The following EIF2S3 variants were observed in gnomAD, a reference collection of about 807,000 sequenced individuals.
EIF2S3 encodes eukaryotic translation initiation factor 2 subunit 3.
A neutral mutation model predicts 31.7 loss-of-function variants in EIF2S3; 2 were observed. The ratio of observed to expected loss-of-function variants is 0.06; its 90% CI spans 0.03 to 0.20. EIF2S3 has a LOEUF of 0.20. EIF2S3 is among the 10% of genes least tolerant of loss of function. The pLI, the probability that EIF2S3 is intolerant of heterozygous loss-of-function variation, is 1.00. For missense variants in EIF2S3, 96 were observed against 359.3 expected, an observed-to-expected ratio of 0.27 and a Z score of 5.92; for synonymous variants, 120 against 126.7, an observed-to-expected ratio of 0.95 and a Z score of 0.36.
Position 24,073,772 on chromosome X carries a change from C to A in EIF2S3, c.1355+509C>A, listed in dbSNP as rs1930709257. 2.7e-5 allele frequency among the ~76,000 whole-genome samples: 3 copies of A among 112,109 alleles called. No individual in the cohort carries two copies. In the Admixed American group the frequency reaches 2.9e-4, roughly 11 times the overall value. Reference sequence around the variant, plus strand: ...TGGCTTCTCTTCCTGTTAGACACAACCTATGCAAAACCAAATGAATTTGGG... The same window carrying A: ...TGGCTTCTCTTCCTGTTAGACACAAACTATGCAAAACCAAATGAATTTGGG... On this transcript the variant is annotated intron_variant, in intron 11 of 11. Transcript: ENST00000253039.
At chrX:24,056,687 A>G (rs1419660822) in intron 2 of EIF2S3, among the ~76,000 whole-genome samples, 2 of 111,108 alleles carry the variant, frequency 1.8e-5, no homozygotes, top group African/African-American at 6.5e-5. Context: ...GCCAAACCCC[A>G]TCTCTACAAA....
intron 10 of EIF2S3, among the ~76,000 whole-genome samples, chrX:24,072,174 C>G (rs774318826): frequency 9.0e-6 from 1 of 111,143 alleles, no homozygotes; most frequent in South Asian, 3.7e-4. Context: ...CCACTGCGTC[C>G]GGCCAAAATT....
intron 4 of EIF2S3, among the ~76,000 whole-genome samples, chrX:24,059,792 C>G (rs16982872): frequency 0.079 from 8,825 of 111,493 alleles, 740 homozygotes; most frequent in African/African-American, 0.25. Context: ...TTTTAGCTTT[C>G]AAATCAATGA....
rs1602050174 is a variant in EIF2S3 at position 24,077,153 on chromosome X, C to T, written c.*368C>T. On this transcript the variant is annotated 3_prime_UTR_variant, in exon 12 of 12. Coordinates refer to ENST00000253039, the MANE Select transcript of EIF2S3 (RefSeq NM_001415.4). The stretch of plus-strand genomic sequence containing the variant: ...AGTGCAGTGGCGTGATCTGCAACCT[C>T]TGCCCCCCGGGTTCAAGCGATTCTC... The T allele has an allele frequency of 8.2e-6, 1 of 121,771 alleles. No homozygotes were observed. 10.0% of individuals were successfully genotyped at this position (121,771 alleles called of 1,213,427 possible). A position where few individuals can be genotyped will look rare whatever the true frequency, so the allele number is the denominator to read the frequency against.
At position 24,062,633 on chromosome X, in the gene EIF2S3, A is replaced by T. The variant is rs1930509449; in HGVS notation, c.637+59A>T. The T allele has an allele frequency of 2.2e-5, 24 of 1,110,139 alleles. No individual in the cohort carries two copies. In the South Asian group the frequency reaches 3.9e-4, roughly 18 times the overall value. The allele number at this position is 1,110,139 out of a possible 1,213,427, so 91.5% of individuals were successfully genotyped here. A position where few individuals can be genotyped will look rare whatever the true frequency, so the allele number is the denominator to read the frequency against. ...TCACTTTGAGAGGCATTTACTCTGGATACCAGATGTTAAATTAACTTTTAA... is the reference window on the plus strand; with the variant it reads ...TCACTTTGAGAGGCATTTACTCTGGTTACCAGATGTTAAATTAACTTTTAA... On this transcript the variant is annotated intron_variant, in intron 6 of 11. Transcript: ENST00000253039.
intron 9 of EIF2S3, among the ~76,000 whole-genome samples, chrX:24,068,358 TA>T (rs1447348913): frequency 1.4e-4 from 16 of 111,552 alleles, no homozygotes; most frequent in Non-Finnish European, 1.9e-5. Flanking sequence ...TTTAGCAATA[TA>T]AAAAAATAAA....
At chrX:24,075,765 G>A in intron 11 of EIF2S3, among the ~76,000 whole-genome samples, 2 of 110,897 alleles carry the variant, frequency 1.8e-5, no homozygotes, top group Non-Finnish European at 3.8e-5. Flanking sequence ...TAGAGGCAGG[G>A]TCTCTCTGTT....
At chrX:24,055,352 G>C (rs763866188) in intron 1 of EIF2S3, among the ~76,000 whole-genome samples, 2 of 111,642 alleles carry the variant, frequency 1.8e-5, no homozygotes, top group Non-Finnish European at 3.8e-5. Context: ...TACTTTTAGT[G>C]CTAATGTTCC....
chrX:24,058,586 G>A (rs1308054150), intron 4 of EIF2S3, among the ~76,000 whole-genome samples: 4 of 98,216 alleles, frequency 4.1e-5, no homozygotes, highest in African/African-American at 1.6e-4. Context: ...AGGTTGGAGT[G>A]CAGTGGTGCG....
At chrX:24,064,119 C>T (rs1930536130) in intron 6 of EIF2S3, 82 bp from the exon 7 acceptor site, 1 of 869,776 alleles carries the variant, frequency 1.1e-6, no homozygotes. Context: ...TTATAGTAAT[C>T]TTAATTGTTT....
intron 8 of EIF2S3, 151 bp downstream of exon 8, chrX:24,066,243 G>T: frequency 2.6e-6 from 1 of 385,363 alleles, no homozygotes. Flanking sequence ...TTGATGTAGA[G>T]TTCTCTTTTT....
intron 4 of EIF2S3, among the ~76,000 whole-genome samples, chrX:24,058,045 G>A (rs113982078): frequency 8.9e-6 from 1 of 112,351 alleles, no homozygotes; most frequent in Admixed American, 9.5e-5. Context: ...TTTAAACAGC[G>A]CTGTTTCTGT....
chrX:24,063,506 G>A (rs1036972066), intron 6 of EIF2S3, among the ~76,000 whole-genome samples: 2 of 111,565 alleles, frequency 1.8e-5, no homozygotes, highest in African/African-American at 3.3e-5. Context: ...ATGGTTGGGC[G>A]TGGTAGCTCA....
intron 9 of EIF2S3, among the ~76,000 whole-genome samples, chrX:24,070,212 G>T (rs1930645040): frequency 9.5e-6 from 1 of 104,767 alleles, no homozygotes; most frequent in African/African-American, 3.5e-5. Context: ...AAAAAATTTA[G>T]TCAGGTGTGG....
At chrX:24,057,790 A>G (rs1227391218) in intron 4 of EIF2S3, 36 bp downstream of exon 4, 1 of 1,171,410 alleles carries the variant, frequency 8.5e-7, no homozygotes, top group African/African-American at 1.8e-5. Context: ...TACACTTTAT[A>G]TTTTATTGTC....
chrX:24,071,717 A>C lies in EIF2S3; in HGVS notation c.1172A>C (p.Lys391Thr). 1 of 1,209,939 alleles carries C rather than the reference A, an allele frequency of 8.3e-7. No homozygotes were observed. The highest frequency in any genetic ancestry group is 1.1e-6 in the Non-Finnish European group (1 of 894,790). Residue 391 changes from lysine to threonine, a missense_variant, in exon 10 of 12, where the codon AAA becomes ACA. Lys to Thr is a moderately conservative substitution (Grantham distance 78). Around this residue, in one of 5 missense-constraint regions of EIF2S3, gnomAD observed 10 missense variants for 118.9 expected, o/e 0.08. Transcript: ENST00000253039. ...LLGVRTEGDKKAAKVQKLSKN... is the reference protein window; with the variant it reads ...LLGVRTEGDKTAAKVQKLSKN... The stretch of plus-strand genomic sequence containing the variant: ...GGTGTACGCACTGAAGGAGACAAGA[A>C]AGCAGCAAAGGTAAATGCTTTTTTA...
intron 1 of EIF2S3, 129 bp downstream of exon 1, chrX:24,055,166 A>C (rs1930381369): frequency 1.3e-6 from 1 of 766,896 alleles, no homozygotes; most frequent in Admixed American, 2.9e-5. Context: ...GAGACCTGGA[A>C]CTGGGCGCCC....
intron 10 of EIF2S3, 147 bp from the exon 11 acceptor site, chrX:24,072,944 A>G (rs753867617): frequency 1.7e-4 from 109 of 647,003 alleles, no homozygotes; most frequent in Non-Finnish European, 2.1e-4. Flanking sequence ...TATACTATAT[A>G]TAGTTCAAAT....
At chrX:24,065,775 C>G (rs1192293295) in intron 7 of EIF2S3, among the ~76,000 whole-genome samples, 8 of 111,754 alleles carry the variant, frequency 7.2e-5, no homozygotes, top group African/African-American at 2.3e-4. Context: ...CTCTATAATA[C>G]TGGTATACCC....
Sources: allele counts gnomAD v4.1 joint callset (sites outside exome capture counted in the v4.1 genomes callset), GRCh38; gene constraint gnomAD v4.1.1; regional missense constraint gnomAD v4.1.1; transcripts MANE v1.5; gene names NCBI Gene and HGNC (gene_info 2026-07-23, HGNC 2026-07-21).